Variants in TECRL observed in about 807,000 individuals in gnomAD.
TECRL encodes trans-2,3-enoyl-CoA reductase like, also known as trans-2,3-enoyl-CoA reductase-like.
In TECRL, 63 loss-of-function variants were observed where a neutral mutation model predicts 52.8. The ratio of observed to expected loss-of-function variants is 1.19; its 90% confidence interval spans 0.97 to 1.47. The LOEUF (loss-of-function observed/expected upper bound fraction) is 1.47, where lower values mean the gene tolerates loss of function less well. TECRL is among the 40% of genes most tolerant of loss of function. The pLI, the probability that TECRL is intolerant of heterozygous loss-of-function variation, is 0.00. For synonymous variants in TECRL, 164 were observed against 141.9 expected (o/e 1.16, Z -1.10); for missense variants, 482 against 429.6 (o/e 1.12, Z -1.08).
chr4:64,329,555 G>T (rs958808133), intron 2 of TECRL, among the ~76,000 whole-genome samples: 4 of 151,754 alleles, frequency 2.6e-5, no homozygotes, highest in Non-Finnish European at 5.9e-5. Flanking sequence ...ACCTTCTAAA[G>T]TCTATTATGT....
intron 2 of TECRL, among the ~76,000 whole-genome samples, chr4:64,370,689 TA>T (rs1560536079): frequency 6.6e-6 from 1 of 151,758 alleles, no homozygotes; most frequent in Non-Finnish European, 1.5e-5. Flanking sequence ...ACAATTTTGA[TA>T]ATATAGAAAG....
chr4:64,374,834 A>C (rs936790329), intron 2 of TECRL, among the ~76,000 whole-genome samples: 5 of 152,052 alleles, frequency 3.3e-5, no homozygotes, highest in African/African-American at 9.7e-5. Context: ...GGTTTGGTTG[A>C]AATTCTTTGC....
In TECRL at chr4:64,347,748, A is replaced by G. The variant is rs924248727; in HGVS notation, c.287-19192T>C. Among the ~76,000 whole-genome samples, 8 of 152,280 alleles carry G rather than the reference A, an allele frequency of 5.3e-5. 1 individual carries two copies. Among genetic ancestry groups the G allele is most frequent in the African/African-American group, 1.9e-4 (8 of 41,558 alleles). ...TGATCCAGTAACCTCCTCTCTCTGT[A>G]TGTGGGGATTACAGGTCCCTCCCTT... On this transcript the variant is annotated intron_variant, in intron 2 of 11. Coordinates refer to ENST00000381210, the MANE Select transcript of TECRL (RefSeq NM_001010874.5).
At chr4:64,401,544 TA>T (rs2109781655) in intron 1 of TECRL, among the ~76,000 whole-genome samples, 1 of 152,340 alleles carries the variant, frequency 6.6e-6, no homozygotes, top group African/African-American at 2.4e-5. Flanking sequence ...CTTCTCAGTA[TA>T]ATTTGTGTTA....
chr4:64,347,838 AC>A (rs1340473442), intron 2 of TECRL, among the ~76,000 whole-genome samples: 2 of 151,848 alleles, frequency 1.3e-5, no homozygotes, highest in Non-Finnish European at 2.9e-5. Flanking sequence ...CATATCATTT[AC>A]CCCATGGCGC....
chr4:64,398,353 G>A (rs985238264), intron 1 of TECRL, among the ~76,000 whole-genome samples: 3 of 152,118 alleles, frequency 2.0e-5, no homozygotes, highest in Non-Finnish European at 4.4e-5. Context: ...TGGTGGGAGG[G>A]AAATGAATCA....
At chr4:64,386,836 G>A (rs1723206379) in intron 1 of TECRL, among the ~76,000 whole-genome samples, 1 of 151,972 alleles carries the variant, frequency 6.6e-6, no homozygotes, top group African/African-American at 2.4e-5. Flanking sequence ...GATTTCCAAG[G>A]TACTCTTTGC....
chr4:64,291,210 A>T (rs552877895), intron 8 of TECRL, among the ~76,000 whole-genome samples: 1 of 152,188 alleles, frequency 6.6e-6, no homozygotes, highest in East Asian at 1.9e-4. Context: ...AGTAAAGTCA[A>T]GTACCCTACA....
chr4:64,358,739 A>T (rs909185402), intron 2 of TECRL, among the ~76,000 whole-genome samples: 4 of 151,760 alleles, frequency 2.6e-5, no homozygotes, highest in African/African-American at 9.7e-5. Flanking sequence ...AATTTTAAAA[A>T]TTGTTTTTAT....
At chr4:64,370,191 T>C (rs534321362) in intron 2 of TECRL, among the ~76,000 whole-genome samples, 1 of 152,042 alleles carries the variant, frequency 6.6e-6, no homozygotes, top group Admixed American at 6.6e-5. Context: ...GAAATACCGA[T>C]GCTATAACAT....
At chr4:64,391,533 C>A (rs888586066) in intron 1 of TECRL, among the ~76,000 whole-genome samples, 2 of 151,860 alleles carry the variant, frequency 1.3e-5, no homozygotes, top group Admixed American at 6.6e-5. Flanking sequence ...AAGCCAGAAT[C>A]TTTACGTCAA....
chr4:64,398,518 T>C (rs1035292077), intron 1 of TECRL, among the ~76,000 whole-genome samples: 1 of 152,162 alleles, frequency 6.6e-6, no homozygotes, highest in African/African-American at 2.4e-5. Flanking sequence ...ATACACCTGC[T>C]CCCTCTTCAC....
intron 2 of TECRL, among the ~76,000 whole-genome samples, chr4:64,374,059 AT>A (rs1426005625): frequency 7.6e-6 from 1 of 131,060 alleles, no homozygotes; most frequent in African/African-American, 2.8e-5. Flanking sequence ...ATACATATAT[AT>A]ATATATATAT....
At chr4:64,276,901 A>C (rs1722593934), downstream of TECRL, 1 of 534,976 alleles carries the variant, frequency 1.9e-6, no homozygotes, top group South Asian at 3.4e-5. Context: ...ATGTATAGTA[A>C]CTCCTAAAAC....
intron 1 of TECRL, among the ~76,000 whole-genome samples, chr4:64,393,645 A>G (rs1723709694): frequency 6.6e-6 from 1 of 151,856 alleles, no homozygotes; most frequent in African/African-American, 2.4e-5. Context: ...CTGCTTCTAT[A>G]TTGAGTAGTT....
intron 4 of TECRL, 76 bp from the exon 5 acceptor site, chr4:64,314,839 G>A: frequency 2.0e-6 from 2 of 1,008,848 alleles, no homozygotes; most frequent in South Asian, 1.4e-5. Context: ...ATGAGTATTA[G>A]CCTACTGCAT....
intron 1 of TECRL, among the ~76,000 whole-genome samples, chr4:64,387,969 G>A (rs892927740): frequency 1.9e-4 from 28 of 151,266 alleles, no homozygotes; most frequent in Non-Finnish European, 3.5e-4. Context: ...TTTGTTTCTT[G>A]TCTTTTTATT....
At chr4:64,350,095 C>A (rs1439171422) in intron 2 of TECRL, among the ~76,000 whole-genome samples, 1 of 88,420 alleles carries the variant, frequency 1.1e-5, no homozygotes, top group African/African-American at 3.1e-5. Context: ...AGAAGCAGTG[C>A]TGGGCATTTA....
At chr4:64,362,917 A>G (rs1436594789) in intron 2 of TECRL, among the ~76,000 whole-genome samples, 1 of 152,130 alleles carries the variant, frequency 6.6e-6, no homozygotes, top group African/African-American at 2.4e-5. Context: ...TAAAGAAGCA[A>G]GACCAAACTG....
Sources: gnomAD v4.1 joint callset for allele counts (sites outside exome capture counted in the v4.1 genomes callset) on GRCh38, gnomAD v4.1.1 for gene constraint, MANE v1.5 for transcripts, NCBI Gene and HGNC (gene_info 2026-07-23, HGNC 2026-07-21) for gene names.